PTPRZ1: variants seen among roughly 807,000 people sequenced by gnomAD.
PTPRZ1 encodes receptor-type tyrosine-protein phosphatase zeta.
In PTPRZ1, 82 loss-of-function variants were observed where a neutral mutation model predicts 214.1. That is an observed-to-expected ratio of 0.38 (90% CI 0.32 to 0.46). The LOEUF (loss-of-function observed/expected upper bound fraction) is 0.46. Ranked by LOEUF, PTPRZ1 falls within the 20% of genes least tolerant of loss-of-function variation. The pLI is 1.00. For missense variants in PTPRZ1, 2,603 were observed against 2,748.7 expected, an observed-to-expected ratio of 0.95 and a Z score of 1.19; for synonymous variants, 945 against 987.9, an observed-to-expected ratio of 0.96 and a Z score of 0.81.
intron 1 of PTPRZ1, among the ~76,000 whole-genome samples, chr7:121,904,002 T>C (rs1303552173): frequency 1.1e-5 from 1 of 87,296 alleles, no homozygotes; most frequent in Non-Finnish European, 2.3e-5. Flanking sequence ...ACACACACAA[T>C]AGTAGGTGTT....
intron 1 of PTPRZ1, among the ~76,000 whole-genome samples, chr7:121,899,266 A>G (rs1584616379): frequency 6.6e-6 from 1 of 152,100 alleles, no homozygotes; most frequent in Non-Finnish European, 1.5e-5. Context: ...CAAATCGATT[A>G]TATTTATTTT....
intron 2 of PTPRZ1, among the ~76,000 whole-genome samples, chr7:121,955,601 G>T (rs1376648482): frequency 6.6e-6 from 1 of 152,184 alleles, no homozygotes; most frequent in African/African-American, 2.4e-5. Flanking sequence ...ATTGAGGGCA[G>T]CTAGTTAACA....
intron 13 of PTPRZ1, among the ~76,000 whole-genome samples, chr7:122,025,263 C>T (rs1799175267): frequency 6.6e-6 from 1 of 151,504 alleles, no homozygotes; most frequent in South Asian, 2.1e-4. Flanking sequence ...AGAATAATGT[C>T]CAGGAAATGA....
chr7:121,911,311 TG>T (rs1795269802), intron 1 of PTPRZ1, among the ~76,000 whole-genome samples: 1 of 152,162 alleles, frequency 6.6e-6, no homozygotes, highest in African/African-American at 2.4e-5. Flanking sequence ...ATGACCTGCA[TG>T]GATTTAAGCT....
chr7:122,016,350 TA>T (rs1798838123), intron 12 of PTPRZ1, among the ~76,000 whole-genome samples: 1 of 152,220 alleles, frequency 6.6e-6, no homozygotes, highest in African/African-American at 2.4e-5. Context: ...TATTTTAATT[TA>T]GGTAACTCAT....
intron 1 of PTPRZ1, among the ~76,000 whole-genome samples, chr7:121,877,377 A>C (rs560619631): frequency 2.0e-5 from 3 of 152,246 alleles, no homozygotes; most frequent in South Asian, 2.1e-4. Context: ...GTGATGGTAC[A>C]TTTCACAGTC....
chr7:121,955,813 ACT>A (rs1161642396), intron 2 of PTPRZ1, among the ~76,000 whole-genome samples: 3 of 151,902 alleles, frequency 2.0e-5, no homozygotes, highest in Non-Finnish European at 4.4e-5. Context: ...AGCAACAAGA[ACT>A]CTCTGTTGTT....
rs145460777 is a variant in PTPRZ1, at chr7:122,030,240, C to A, written c.5081-1234C>A. 1.3e-4 allele frequency among the ~76,000 whole-genome samples: 20 copies of A among 151,992 alleles called. 1 individual carries two copies. Among genetic ancestry groups the A allele is most frequent in the Non-Finnish European group, 2.4e-4 (16 of 67,866 alleles). On this transcript the variant is annotated intron_variant, in intron 14 of 29. Transcript: ENST00000393386. ...TTGATCACCTGAATATGCATGTTTT[C>A]GTGTAAAAATCAGAAAGCAAAATGA...
At chr7:122,014,726 C>T (rs1798795562) in intron 12 of PTPRZ1, among the ~76,000 whole-genome samples, 1 of 152,224 alleles carries the variant, frequency 6.6e-6, no homozygotes, top group Non-Finnish European at 1.5e-5. Context: ...GCGTGAGCCA[C>T]TGCACCAGGC....
At chr7:121,943,374 C>T (rs1002507640) in intron 2 of PTPRZ1, among the ~76,000 whole-genome samples, 1 of 152,074 alleles carries the variant, frequency 6.6e-6, no homozygotes, top group East Asian at 1.9e-4. Flanking sequence ...GAGTCTCTAT[C>T]GCCCAGGCTG....
intron 8 of PTPRZ1, among the ~76,000 whole-genome samples, chr7:121,994,242 T>C (rs976046874): frequency 7.3e-5 from 11 of 150,954 alleles, no homozygotes; most frequent in Non-Finnish European, 1.5e-4. Context: ...TATTTTTTTC[T>C]TAAGAGATTG....
At chr7:121,877,224 A>G (rs1254881915) in intron 1 of PTPRZ1, among the ~76,000 whole-genome samples, 3 of 152,184 alleles carry the variant, frequency 2.0e-5, no homozygotes, top group Non-Finnish European at 2.9e-5. Context: ...AACCCGGCAC[A>G]GAGAACTCAG....
At chr7:121,914,035 C>T (rs1185901442) in intron 1 of PTPRZ1, among the ~76,000 whole-genome samples, 4 of 152,092 alleles carry the variant, frequency 2.6e-5, no homozygotes, top group African/African-American at 9.7e-5. Context: ...GAAACCTGGC[C>T]TGGTGTGGTG....
At chr7:121,928,675 A>G (rs547923687) in intron 2 of PTPRZ1, among the ~76,000 whole-genome samples, 19 of 152,306 alleles carry the variant, frequency 1.2e-4, no homozygotes, top group Admixed American at 6.5e-5. Context: ...ACAAATATTG[A>G]TGGGATTCTT....
intron 18 of PTPRZ1, 123 bp from the exon 19 acceptor site, chr7:122,038,632 A>C: frequency 1.1e-6 from 1 of 884,552 alleles, no homozygotes; most frequent in Non-Finnish European, 1.6e-6. Context: ...CCAACTTTGC[A>C]AGTTTATTTT....
intron 2 of PTPRZ1, among the ~76,000 whole-genome samples, chr7:121,933,623 T>A (rs1795990959): frequency 6.6e-6 from 1 of 152,170 alleles, no homozygotes. Flanking sequence ...AAATAGAATA[T>A]CCTGTCTAAA....
At chr7:122,034,034 C>T (rs1799463223) in intron 15 of PTPRZ1, 61 bp from the exon 16 acceptor site, 12 of 1,459,178 alleles carry the variant, frequency 8.2e-6, no homozygotes, top group Admixed American at 3.8e-5. Flanking sequence ...TTTTTTTTCT[C>T]ATTTGTCGTG....
At chr7:121,930,148 A>G (rs964399494) in intron 2 of PTPRZ1, among the ~76,000 whole-genome samples, 2 of 152,198 alleles carry the variant, frequency 1.3e-5, no homozygotes, top group African/African-American at 4.8e-5. Flanking sequence ...CAGAGCAGGA[A>G]GAGTGAACAA....
intron 2 of PTPRZ1, among the ~76,000 whole-genome samples, chr7:121,930,574 A>G (rs1185465109): frequency 6.6e-6 from 1 of 152,080 alleles, no homozygotes; most frequent in Admixed American, 6.5e-5. Flanking sequence ...ATTTCCCCAC[A>G]TTTTCACTAA....
Sources: allele counts gnomAD v4.1 joint callset (sites outside exome capture counted in the v4.1 genomes callset), GRCh38; gene constraint gnomAD v4.1.1; transcripts MANE v1.5; gene names NCBI Gene and HGNC (gene_info 2026-07-23, HGNC 2026-07-21).